COL10A1: variants seen among roughly 807,000 people sequenced by gnomAD.
The protein encoded by COL10A1 is collagen alpha-1(X) chain.
COL10A1 carries 10 observed loss-of-function variants against 18.2 expected under a neutral mutation model. The observed-to-expected ratio is 0.55, with a 90% confidence interval of 0.34 to 0.93. The LOEUF is 0.93. Ranked by LOEUF, COL10A1 falls within the 40% of genes least tolerant of loss-of-function variation. The pLI, the probability that COL10A1 is intolerant of heterozygous loss-of-function variation, is 0.02. For missense variants in COL10A1, 897 were observed against 853.5 expected (o/e 1.05, Z -0.64); for synonymous variants, 330 against 316.6 (o/e 1.04, Z -0.45).
chr6:116,194,468 G>A, the COL10A1 span, among the ~76,000 whole-genome samples: 1 of 152,018 alleles, frequency 6.6e-6, no homozygotes, highest in Non-Finnish European at 1.5e-5. Context: ...ACTGGGAATT[G>A]GTGAGAAGGG....
In COL10A1 at chr6:116,119,810, C is replaced by G; in HGVS notation, c.*263G>C. The G allele has an allele frequency of 2.8e-6, 1 of 351,260 alleles. No individual in the cohort carries two copies. Among genetic ancestry groups the G allele is most frequent in the Non-Finnish European group, 5.1e-6 (1 of 195,868 alleles). 21.8% of individuals were successfully genotyped at this position (351,260 alleles called of 1,614,324 possible). Reference sequence around the variant, plus strand: ...GTTTGTTTTTAACATAGCAGGACTTCTTTGGTGATATTTTTTAATATTGGA... The same window carrying G: ...GTTTGTTTTTAACATAGCAGGACTTGTTTGGTGATATTTTTTAATATTGGA... On this transcript the variant is annotated 3_prime_UTR_variant, in exon 3 of 3. Coordinates refer to ENST00000651968, the MANE Select transcript of COL10A1 (RefSeq NM_000493.4).
At chr6:116,124,388 A>G (rs1779230171) in intron 2 of COL10A1, among the ~76,000 whole-genome samples, 1 of 152,224 alleles carries the variant, frequency 6.6e-6, no homozygotes, top group Admixed American at 6.5e-5. Flanking sequence ...AAATAAAATT[A>G]GTGAATATGA....
At chr6:116,201,390 T>C in the COL10A1 span, among the ~76,000 whole-genome samples, 1 of 152,030 alleles carries the variant, frequency 6.6e-6, no homozygotes. Context: ...ACATAGTTTG[T>C]TACAGAAATT....
At chr6:116,212,113 T>C in the COL10A1 span, among the ~76,000 whole-genome samples, 1 of 152,146 alleles carries the variant, frequency 6.6e-6, no homozygotes, top group Admixed American at 6.6e-5. Flanking sequence ...ATCAATTCTT[T>C]TTCAAATTTT....
the COL10A1 span, among the ~76,000 whole-genome samples, chr6:116,205,606 G>GA: frequency 6.6e-6 from 1 of 151,600 alleles, no homozygotes; most frequent in South Asian, 2.1e-4. Context: ...AATTGGGGGG[G>GA]AAAAAAGGCT....
chr6:116,194,059 AAC>A, the COL10A1 span, among the ~76,000 whole-genome samples: 1 of 152,010 alleles, frequency 6.6e-6, no homozygotes, highest in African/African-American at 2.4e-5. Flanking sequence ...CAACAACAAC[AAC>A]AAAAGAATAT....
chr6:116,132,541 C>T (rs1779495255), intron 1 of COL10A1, among the ~76,000 whole-genome samples: 2 of 151,600 alleles, frequency 1.3e-5, no homozygotes, highest in Admixed American at 6.6e-5. Flanking sequence ...ATTGTTCTTT[C>T]ATAGACTCAG....
chr6:116,206,104 C>A, the COL10A1 span, among the ~76,000 whole-genome samples: 3 of 151,930 alleles, frequency 2.0e-5, no homozygotes, highest in Non-Finnish European at 4.4e-5. Context: ...TTTTTCATAG[C>A]ATATGTTTCA....
At chr6:116,149,957 C>T (rs1779996540) in intron 1 of COL10A1, among the ~76,000 whole-genome samples, 1 of 152,232 alleles carries the variant, frequency 6.6e-6, no homozygotes, top group Admixed American at 6.5e-5. Context: ...AGTGTTGCTA[C>T]ATTGGTGTAC....
At chr6:116,138,765 A>G (rs1432575338) in intron 1 of COL10A1, among the ~76,000 whole-genome samples, 1 of 152,108 alleles carries the variant, frequency 6.6e-6, no homozygotes, top group Non-Finnish European at 1.5e-5. Context: ...TAGTATTTAT[A>G]TTTGTATAGA....
At chr6:116,212,416 C>T in the COL10A1 span, among the ~76,000 whole-genome samples, 1 of 152,208 alleles carries the variant, frequency 6.6e-6, no homozygotes, top group Admixed American at 6.5e-5. Context: ...TTATATAATA[C>T]ACTGTCTGGA....
chr6:116,162,152 T>A (rs1418016409), upstream of COL10A1, among the ~76,000 whole-genome samples: 5 of 152,214 alleles, frequency 3.3e-5, no homozygotes, highest in Admixed American at 3.3e-4. Flanking sequence ...AGCAAAGTTA[T>A]TGATTAGGTC....
intron 1 of COL10A1, among the ~76,000 whole-genome samples, chr6:116,139,835 T>C (rs998329912): frequency 1.3e-5 from 2 of 152,166 alleles, no homozygotes; most frequent in African/African-American, 4.8e-5. Flanking sequence ...AGTTGTGTCT[T>C]TGAGACCTAG....
At chr6:116,172,278 T>C in the COL10A1 span, among the ~76,000 whole-genome samples, 1 of 151,886 alleles carries the variant, frequency 6.6e-6, no homozygotes, top group Non-Finnish European at 1.5e-5. Context: ...TTATTAAAGA[T>C]TGGATTGTCA....
At chr6:116,205,392 A>G in the COL10A1 span, among the ~76,000 whole-genome samples, 1 of 151,982 alleles carries the variant, frequency 6.6e-6, no homozygotes, top group Admixed American at 6.6e-5. Context: ...AAGTGTTCAC[A>G]TATCTTACTT....
the COL10A1 span, among the ~76,000 whole-genome samples, chr6:116,201,326 C>G: frequency 2.0e-5 from 3 of 151,948 alleles, no homozygotes; most frequent in African/African-American, 7.2e-5. Flanking sequence ...TTTCAGTGAA[C>G]AGTATTGTTT....
At chr6:116,135,623 A>G (rs1224353022) in intron 1 of COL10A1, among the ~76,000 whole-genome samples, 1 of 151,214 alleles carries the variant, frequency 6.6e-6, no homozygotes, top group Non-Finnish European at 1.5e-5. Context: ...TTTAATATTT[A>G]CTCTAGACTC....
At chr6:116,203,436 C>T in the COL10A1 span, among the ~76,000 whole-genome samples, 103 of 151,832 alleles carry the variant, frequency 6.8e-4, no homozygotes, top group Admixed American at 3.9e-4. Flanking sequence ...TTAATTTTGT[C>T]TCATTTTTTA....
chr6:116,170,576 G>A, the COL10A1 span, among the ~76,000 whole-genome samples: 1 of 152,116 alleles, frequency 6.6e-6, no homozygotes, highest in Non-Finnish European at 1.5e-5. Flanking sequence ...TTAGCTGTTG[G>A]GTTTGTTTGT....
Sources: gnomAD v4.1 joint callset for allele counts (sites outside exome capture counted in the v4.1 genomes callset) on GRCh38, gnomAD v4.1.1 for gene constraint, MANE v1.5 for transcripts, NCBI Gene and HGNC (gene_info 2026-07-23, HGNC 2026-07-21) for gene names.